PIGU: variants seen among roughly 807,000 people sequenced by gnomAD.
PIGU encodes GPI-anchor transamidase component PIGU.
In PIGU, 24 loss-of-function variants were observed where a neutral mutation model predicts 49.9. The ratio of observed to expected loss-of-function variants is 0.48; its 90% CI spans 0.35 to 0.68. The LOEUF (loss-of-function observed/expected upper bound fraction) is 0.68. Ranked by LOEUF, PIGU falls within the 30% of genes least tolerant of loss-of-function variation. The probability of loss-of-function intolerance (pLI) is 0.01; values close to 1 mark genes in which losing one functional copy is unlikely to be tolerated. For missense variants in PIGU, 490 were observed against 532.6 expected, an observed-to-expected ratio of 0.92 and a Z score of 0.79; for synonymous variants, 220 against 205.7, an observed-to-expected ratio of 1.07 and a Z score of -0.59.
At position 34,645,200 on chromosome 20, in the gene PIGU, AAAAGAG is replaced by A; in HGVS notation, c.255+69_255+74del. 15 of 1,403,746 alleles carry A rather than the reference AAAAGAG, an allele frequency of 1.1e-5. No homozygotes were observed. In the African/African-American group the frequency reaches 1.8e-4, roughly 17 times the overall value. 87.0% of individuals were successfully genotyped at this position (1,403,746 alleles called of 1,614,324 possible). ...GAGACCCCATCTCAAAAAAAAAAAAAAAAGAGAGAGAGAGACAATAAACCATAAAAT... is the reference window on the plus strand; with the variant it reads ...GAGACCCCATCTCAAAAAAAAAAAAAAGAGAGAGACAATAAACCATAAAAT... On this transcript the variant is annotated intron_variant, in intron 3 of 11. Transcript: ENST00000217446.
chr20:34,631,486 G>A (rs1266894033), intron 6 of PIGU, among the ~76,000 whole-genome samples: 2 of 150,516 alleles, frequency 1.3e-5, no homozygotes, highest in East Asian at 1.9e-4. Context: ...TTAAAAAGAC[G>A]CATGTCCAGA....
intron 7 of PIGU, among the ~76,000 whole-genome samples, chr20:34,597,796 T>C (rs1390978050): frequency 6.6e-6 from 1 of 152,250 alleles, no homozygotes. Context: ...GTATTTGTTT[T>C]TTCTTTGAAA....
intron 4 of PIGU, among the ~76,000 whole-genome samples, chr20:34,638,764 G>C (rs1038606870): frequency 5.9e-5 from 9 of 152,162 alleles, no homozygotes; most frequent in Non-Finnish European, 1.3e-4. Flanking sequence ...GTGGGATGGG[G>C]GTGGAAAGCT....
chr20:34,575,912 G>A (rs1426737219), intron 10 of PIGU, among the ~76,000 whole-genome samples: 2 of 152,204 alleles, frequency 1.3e-5, no homozygotes, highest in African/African-American at 4.8e-5. Flanking sequence ...CTACTCAAGG[G>A]TGATCCAGAG....
intron 6 of PIGU, among the ~76,000 whole-genome samples, chr20:34,630,664 A>T (rs577898705): frequency 2.0e-5 from 3 of 151,648 alleles, no homozygotes; most frequent in Admixed American, 6.6e-5. Flanking sequence ...TATTATTATT[A>T]TTTTTTTTAC....
At chr20:34,561,014 G>A (rs767593930) in intron 11 of PIGU, 35 bp from the exon 12 acceptor site, 4 of 1,462,404 alleles carry the variant, frequency 2.7e-6, no homozygotes, top group Non-Finnish European at 3.8e-6. Context: ...GCGCTGCTGG[G>A]TACCTCCCCC....
rs148488453 is a variant in PIGU, at chr20:34,667,666, C to T, written c.130+9290G>A. ...GCAAAGAAATGACAACTCTTCCTTACAGAAGAATTTTAATTATTAAATAAA... is the reference window on the plus strand; with the variant it reads ...GCAAAGAAATGACAACTCTTCCTTATAGAAGAATTTTAATTATTAAATAAA... On this transcript the variant is annotated intron_variant, in intron 1 of 11. Transcript: ENST00000217446. Among the ~76,000 whole-genome samples, 424 of 152,184 alleles carry T rather than the reference C, an allele frequency of 2.8e-3. 1 individual carries two copies. The highest frequency in any genetic ancestry group is 9.7e-3 in the African/African-American group (401 of 41,538).
intron 7 of PIGU, among the ~76,000 whole-genome samples, chr20:34,607,830 G>A (rs1345124000): frequency 6.6e-6 from 1 of 152,114 alleles, no homozygotes; most frequent in Non-Finnish European, 1.5e-5. Context: ...TGCCCAGACT[G>A]GTCTTAAACT....
intron 10 of PIGU, among the ~76,000 whole-genome samples, chr20:34,576,847 T>C (rs1014627792): frequency 5.9e-5 from 9 of 152,168 alleles, no homozygotes; most frequent in African/African-American, 1.7e-4. Context: ...ATTTCCCATA[T>C]TCCCCCCACC....
At chr20:34,629,345 G>A (rs1985614113) in intron 6 of PIGU, among the ~76,000 whole-genome samples, 1 of 152,148 alleles carries the variant, frequency 6.6e-6, no homozygotes, top group African/African-American at 2.4e-5. Flanking sequence ...TGATCAATGG[G>A]ATATTAGCAC....
chr20:34,571,043 C>T lies in PIGU; in HGVS notation c.1194+4061G>A, dbSNP rs574451131. ...CAAGTTATGTCCAATCCTCTCAACA[C>T]CCTGGAAGCTGTGGGTCATCATCCC... On this transcript the variant is annotated intron_variant, in intron 11 of 11. Coordinates refer to ENST00000217446, the MANE Select transcript of PIGU (RefSeq NM_080476.5). 7.2e-5 allele frequency among the ~76,000 whole-genome samples: 11 copies of T among 152,286 alleles called. No homozygotes were observed. The East Asian group carries it at 2.1e-3, about 29-fold the overall frequency.
intron 1 of PIGU, among the ~76,000 whole-genome samples, chr20:34,671,869 GCTGAGATTGTGCCATTGCA>G (rs1987316599): frequency 6.6e-6 from 1 of 151,992 alleles, no homozygotes; most frequent in Non-Finnish European, 1.5e-5. Context: ...GTTTCAGTGA[GCTGAGATTGTGCCATTGCA>G]CTCCAGCCAG....
chr20:34,591,395 G>T (rs373910196), intron 7 of PIGU, among the ~76,000 whole-genome samples: 44 of 152,288 alleles, frequency 2.9e-4, no homozygotes, highest in Middle Eastern at 3.4e-3. Flanking sequence ...CATTTCACAA[G>T]TTTAATCTCA....
chr20:34,592,787 A>G (rs978320772), intron 7 of PIGU, among the ~76,000 whole-genome samples: 9 of 152,292 alleles, frequency 5.9e-5, no homozygotes, highest in African/African-American at 2.2e-4. Context: ...TCTAGGGGTG[A>G]TAACAGTATC....
chr20:34,646,668 C>G (rs1346629174), intron 2 of PIGU, among the ~76,000 whole-genome samples: 1 of 152,134 alleles, frequency 6.6e-6, no homozygotes. Context: ...CTCAGACTCC[C>G]GAACTGCTGG....
chr20:34,613,852 G>A (rs959710595), intron 7 of PIGU, among the ~76,000 whole-genome samples: 23 of 152,168 alleles, frequency 1.5e-4, no homozygotes, highest in African/African-American at 4.1e-4. Flanking sequence ...CAGATGAGGA[G>A]GTAAGTGGTC....
chr20:34,567,654 G>A (rs112654941), intron 11 of PIGU, among the ~76,000 whole-genome samples: 2 of 152,184 alleles, frequency 1.3e-5, no homozygotes, highest in African/African-American at 4.8e-5. Flanking sequence ...AAAGCCAAAG[G>A]TGCAGTCTGG....
At chr20:34,629,056 G>A (rs1187796140) in intron 6 of PIGU, among the ~76,000 whole-genome samples, 2 of 147,552 alleles carry the variant, frequency 1.4e-5, no homozygotes, top group African/African-American at 2.5e-5. Flanking sequence ...TCGCTCTGTC[G>A]CCCAGGCTGG....
chr20:34,623,219 G>T (rs149515167), intron 6 of PIGU, among the ~76,000 whole-genome samples: 2 of 151,682 alleles, frequency 1.3e-5, no homozygotes, highest in African/African-American at 2.4e-5. Flanking sequence ...GGTCCCACAG[G>T]ACTATCAGAA....
Sources: gnomAD v4.1 joint callset for allele counts (sites outside exome capture counted in the v4.1 genomes callset) on GRCh38, gnomAD v4.1.1 for gene constraint, MANE v1.5 for transcripts, NCBI Gene and HGNC (gene_info 2026-07-23, HGNC 2026-07-21) for gene names.